Variants in DOCK7 observed in about 807,000 individuals in gnomAD.
DOCK7 encodes the protein dedicator of cytokinesis protein 7.
DOCK7 carries 138 observed loss-of-function variants against 271.0 expected under a neutral mutation model. That is an observed-to-expected ratio of 0.51 (90% confidence interval 0.44 to 0.59). The LOEUF is 0.59. Ranked by LOEUF, DOCK7 falls within the 20% of genes least tolerant of loss-of-function variation. DOCK7 has a pLI of 0.00. For synonymous variants in DOCK7, 823 were observed against 876.1 expected, an observed-to-expected ratio of 0.94 and a Z score of 1.07; for missense variants, 2,066 against 2,592.4, an observed-to-expected ratio of 0.80 and a Z score of 4.41.
At chr1:62,477,440 C>A (rs1235522953) in intron 44 of DOCK7, among the ~76,000 whole-genome samples, 2 of 152,012 alleles carry the variant, frequency 1.3e-5, no homozygotes, top group African/African-American at 4.8e-5. Flanking sequence ...TCCGTTAAGT[C>A]GCAGTAATTC....
intron 22 of DOCK7, among the ~76,000 whole-genome samples, chr1:62,550,339 G>C (rs927155763): frequency 2.0e-5 from 3 of 152,072 alleles, no homozygotes; most frequent in Admixed American, 1.3e-4. Flanking sequence ...ATAGTAGATG[G>C]TAATAGGTAG....
chr1:62,638,117 C>T (rs1382767268), intron 7 of DOCK7, among the ~76,000 whole-genome samples: 6 of 152,162 alleles, frequency 3.9e-5, no homozygotes, highest in African/African-American at 1.4e-4. Context: ...CATCTATTCA[C>T]TGACCATTGG....
At chr1:62,491,648 A>G (rs1247971438) in intron 41 of DOCK7, among the ~76,000 whole-genome samples, 5 of 152,224 alleles carry the variant, frequency 3.3e-5, no homozygotes, top group African/African-American at 9.6e-5. Context: ...TATGCAACCA[A>G]TGGAATGAGT....
chr1:62,455,254 C>A lies in DOCK7; in HGVS notation c.*160G>T. On this transcript the variant is annotated 3_prime_UTR_variant, in exon 50 of 50. Coordinates refer to ENST00000635253, the MANE Select transcript of DOCK7 (RefSeq NM_001367561.1). ...CATTAGAAACCATAGCCATGATTCT[C>A]AAGCGTTAACAATCTACATTTGATA... 2 of 780,018 alleles carry A rather than the reference C, an allele frequency of 2.6e-6. No homozygotes were observed. Among genetic ancestry groups the A allele is most frequent in the Non-Finnish European group, 4.4e-6 (2 of 456,688 alleles). 48.3% of individuals were successfully genotyped at this position (780,018 alleles called of 1,614,324 possible).
chr1:62,510,887 T>C (rs1644463496), intron 33 of DOCK7: 1 of 413,878 alleles, frequency 2.4e-6, no homozygotes, highest in East Asian at 4.0e-5. Context: ...TATCTTTTCT[T>C]TAAAACAATA....
chr1:62,503,441 ATTT>A (rs34323888), intron 37 of DOCK7, among the ~76,000 whole-genome samples: 1 of 144,550 alleles, frequency 6.9e-6, no homozygotes, highest in East Asian at 2.0e-4. Flanking sequence ...AACATAAACA[ATTT>A]TTTTTTTTTT....
At chr1:62,667,076 C>A (rs1659402334) in intron 1 of DOCK7, among the ~76,000 whole-genome samples, 1 of 152,140 alleles carries the variant, frequency 6.6e-6, no homozygotes, top group African/African-American at 2.4e-5. Context: ...TTCTTCTAAC[C>A]CACTCCTACT....
At chr1:62,536,489 G>T (rs2149387296) in intron 28 of DOCK7, among the ~76,000 whole-genome samples, 1 of 152,268 alleles carries the variant, frequency 6.6e-6, no homozygotes, top group Non-Finnish European at 1.5e-5. Flanking sequence ...ATCTTTGGCA[G>T]AGGACAGGGA....
chr1:62,548,439 G>A (rs934513180), intron 22 of DOCK7, among the ~76,000 whole-genome samples: 1 of 61,944 alleles, frequency 1.6e-5, no homozygotes, highest in East Asian at 4.8e-4. Flanking sequence ...TTTTTTTTTT[G>A]AGACAGAGTC....
chr1:62,657,027 T>C (rs1049576099), intron 2 of DOCK7, among the ~76,000 whole-genome samples: 1 of 152,138 alleles, frequency 6.6e-6, no homozygotes. Context: ...AATGAATCTC[T>C]TACTCCCAAA....
Position 62,498,683 on chromosome 1 carries a change from A to G in DOCK7, c.4765-2186T>C, listed in dbSNP as rs533460183. Among the ~76,000 whole-genome samples the G allele has an allele frequency of 2.0e-3, 305 of 152,056 alleles. 2 individuals are homozygous for G. The South Asian group carries it at 0.026, about 13-fold the overall frequency. On this transcript the variant is annotated intron_variant, in intron 37 of 49. Coordinates refer to ENST00000635253, the MANE Select transcript of DOCK7 (RefSeq NM_001367561.1). ...CTGTCCTTTTATCTATGTCTGCCCA[A>G]TGCCTACCAAAGCAGCCAAGACACA...
intron 48 of DOCK7, among the ~76,000 whole-genome samples, chr1:62,470,668 C>A (rs1645805586): frequency 6.6e-6 from 1 of 152,056 alleles, no homozygotes; most frequent in African/African-American, 2.4e-5. Context: ...GTGGTGGGCA[C>A]CTGTAATCCC....
Position 62,648,272 on chromosome 1 carries a change from C to A in DOCK7, c.566G>T (p.Gly189Val). 6.2e-7 allele frequency: 1 copy of A among 1,613,546 alleles called. No individual in the cohort carries two copies. Among genetic ancestry groups the A allele is most frequent in the East Asian group, 2.2e-5 (1 of 44,810 alleles). Residue 189 changes from glycine (G) to valine (V), a missense_variant, in exon 6 of 50, where the codon GGT becomes GTT. Gly to Val is a moderately radical substitution (Grantham distance 109). This residue lies in a region of DOCK7 where 1,414 missense variants were observed against 1,670.4 expected (regional missense o/e 0.85). Coordinates refer to ENST00000635253, the MANE Select transcript of DOCK7 (RefSeq NM_001367561.1). ...RSMSIDDTPRGSWACSIFDLK... is the reference protein window; with the variant it reads ...RSMSIDDTPRVSWACSIFDLK... ...GTCAAAGATACTACAGGCCCAGCTA[C>A]CCCTTGGGGTATCATCTATTGACAT...
At chr1:62,646,354 G>C (rs1656662886) in intron 7 of DOCK7, among the ~76,000 whole-genome samples, 1 of 152,034 alleles carries the variant, frequency 6.6e-6, no homozygotes. Flanking sequence ...GAGAGAACAG[G>C]GAGTGATTAC....
chr1:62,473,525 G>T (rs1412974508), intron 48 of DOCK7, among the ~76,000 whole-genome samples: 4 of 152,120 alleles, frequency 2.6e-5, no homozygotes, highest in African/African-American at 4.8e-5. Flanking sequence ...TGCTATTAAA[G>T]AGTAGTAAAT....
At chr1:62,587,178 A>C (rs1012973191) in intron 14 of DOCK7, among the ~76,000 whole-genome samples, 1 of 151,908 alleles carries the variant, frequency 6.6e-6, no homozygotes, top group African/African-American at 2.4e-5. Context: ...AAACAATAAC[A>C]TCCTAATTTG....
intron 4 of DOCK7, among the ~76,000 whole-genome samples, chr1:62,649,156 C>A (rs1657037120): frequency 6.6e-6 from 1 of 152,044 alleles, no homozygotes; most frequent in Non-Finnish European, 1.5e-5. Flanking sequence ...AATCCAATAA[C>A]AACCTAATAC....
At chr1:62,664,417 C>A (rs866820716) in intron 1 of DOCK7, among the ~76,000 whole-genome samples, 2 of 152,118 alleles carry the variant, frequency 1.3e-5, no homozygotes, top group East Asian at 1.9e-4. Flanking sequence ...TTCTCTCCAG[C>A]CACCATGTAA....
intron 22 of DOCK7, among the ~76,000 whole-genome samples, 159 bp downstream of exon 22, chr1:62,552,573 A>AAATAAAAC (rs1396687429): frequency 6.6e-5 from 10 of 152,226 alleles, no homozygotes; most frequent in Non-Finnish European, 1.5e-4. Context: ...TTTAACAGAA[A>AAATAAAAC]AATAAAACAG....
Sources: gnomAD v4.1 joint callset for allele counts (sites outside exome capture counted in the v4.1 genomes callset) on GRCh38, gnomAD v4.1.1 for gene constraint, gnomAD v4.1.1 regional missense constraint, MANE v1.5 for transcripts, NCBI Gene and HGNC (gene_info 2026-07-23, HGNC 2026-07-21) for gene names.